Variants in SYN3 observed in about 807,000 individuals in gnomAD.
SYN3 encodes the protein synapsin III.
In SYN3, 35 loss-of-function variants were observed where a neutral mutation model predicts 65.8. The ratio of observed to expected loss-of-function variants is 0.53; its 90% CI spans 0.41 to 0.70. The LOEUF is 0.70. Ranked by LOEUF, SYN3 falls within the 30% of genes least tolerant of loss-of-function variation. SYN3 has a pLI of 0.00. For synonymous variants in SYN3, 270 were observed against 292.9 expected, an observed-to-expected ratio of 0.92 and a Z score of 0.80; for missense variants, 680 against 749.0, an observed-to-expected ratio of 0.91 and a Z score of 1.08.
intron 4 of SYN3, among the ~76,000 whole-genome samples, chr22:32,877,338 C>A (rs1052872738): frequency 6.6e-6 from 1 of 152,116 alleles, no homozygotes; most frequent in South Asian, 2.1e-4. Flanking sequence ...ACCATGAATC[C>A]GAGGCACAGA....
chr22:32,541,474 T>C, intron 8 of SYN3, 97 bp downstream of exon 8: 1 of 1,464,848 alleles, frequency 6.8e-7, no homozygotes, highest in Non-Finnish European at 9.4e-7. Flanking sequence ...GGAAGGAGGA[T>C]AATGATGCAC....
chr22:32,691,173 G>T (rs1251226462), intron 6 of SYN3, among the ~76,000 whole-genome samples: 3 of 152,162 alleles, frequency 2.0e-5, no homozygotes, highest in Non-Finnish European at 4.4e-5. Flanking sequence ...CAGTGGCCTT[G>T]CTGGGCGCCC....
chr22:32,943,682 T>C (rs927107225), intron 3 of SYN3, among the ~76,000 whole-genome samples: 1 of 152,204 alleles, frequency 6.6e-6, no homozygotes, highest in African/African-American at 2.4e-5. Flanking sequence ...GACCCATCAG[T>C]GTGCTGTATT....
chr22:32,576,204 T>C lies in SYN3; in HGVS notation c.774+20470A>G, dbSNP rs192342741. 2.3e-3 allele frequency among the ~76,000 whole-genome samples: 350 copies of C among 152,278 alleles called. 1 individual carries two copies. The highest frequency in any genetic ancestry group is 3.4e-3 in the Non-Finnish European group (232 of 68,012). On this transcript the variant is annotated intron_variant, in intron 7 of 13. Transcript: ENST00000358763. ...TGATTCCCTCTCTCGCAGACCTGGCTTGAGGTCTTCCCACAGTGGGGAAGA... is the reference window on the plus strand; with the variant it reads ...TGATTCCCTCTCTCGCAGACCTGGCCTGAGGTCTTCCCACAGTGGGGAAGA...
chr22:32,726,961 C>T (rs2061203006), intron 6 of SYN3, among the ~76,000 whole-genome samples: 1 of 144,696 alleles, frequency 6.9e-6, no homozygotes, highest in African/African-American at 2.5e-5. Flanking sequence ...TGCATTGAAA[C>T]TGGAATGAAG....
chr22:32,550,792 G>A (rs933777271), intron 7 of SYN3, among the ~76,000 whole-genome samples: 1 of 152,082 alleles, frequency 6.6e-6, no homozygotes, highest in Non-Finnish European at 1.5e-5. Context: ...GCTCCTTGGG[G>A]AAATGACTGA....
intron 4 of SYN3, among the ~76,000 whole-genome samples, chr22:32,871,304 C>A (rs2048843409): frequency 1.3e-5 from 2 of 152,306 alleles, no homozygotes; most frequent in Non-Finnish European, 2.9e-5. Context: ...GTTTTGGGAT[C>A]CCCGACTCTG....
At chr22:32,979,180 T>TC (rs2052298769) in intron 3 of SYN3, among the ~76,000 whole-genome samples, 1 of 134,102 alleles carries the variant, frequency 7.5e-6, no homozygotes, top group Non-Finnish European at 1.6e-5. Flanking sequence ...AGAGTGAGAC[T>TC]CCATCTCAAA....
chr22:32,983,097 T>C (rs1357848631), intron 2 of SYN3, among the ~76,000 whole-genome samples: 1 of 152,218 alleles, frequency 6.6e-6, no homozygotes, highest in Non-Finnish European at 1.5e-5. Flanking sequence ...ATGACACTAA[T>C]AGTTCTTGGT....
At chr22:33,027,713 A>G (rs550700868) in intron 1 of SYN3, among the ~76,000 whole-genome samples, 3 of 152,176 alleles carry the variant, frequency 2.0e-5, no homozygotes, top group East Asian at 1.9e-4. Flanking sequence ...GAGAGAGAGA[A>G]AGAAAACTTC....
intron 6 of SYN3, among the ~76,000 whole-genome samples, chr22:32,642,561 C>T (rs1441261533): frequency 6.6e-6 from 1 of 151,948 alleles, no homozygotes; most frequent in Non-Finnish European, 1.5e-5. Flanking sequence ...CTGCCTCAGC[C>T]TCTCCGAGTA....
chr22:32,777,707 A>G (rs907726237), intron 6 of SYN3, among the ~76,000 whole-genome samples: 3 of 152,206 alleles, frequency 2.0e-5, no homozygotes, highest in African/African-American at 7.2e-5. Context: ...TCTGAAACTC[A>G]CATATTAGCT....
Position 32,935,984 on chromosome 22 carries a change from C to A in SYN3, c.370-4503G>T, listed in dbSNP as rs1199091073. Among the ~76,000 whole-genome samples, 3 of 152,212 alleles carry A rather than the reference C, an allele frequency of 2.0e-5. No individual in the cohort carries two copies. In the East Asian group the frequency reaches 5.8e-4, roughly 29 times the overall value. On this transcript the variant is annotated intron_variant, in intron 3 of 13. Coordinates refer to ENST00000358763, the MANE Select transcript of SYN3 (RefSeq NM_003490.4). Reference sequence around the variant, plus strand: ...GACAATGTATATGAAACATCCAGCACAGGGCTGAGACTCAGTAAATAGTTG... The same window carrying A: ...GACAATGTATATGAAACATCCAGCAAAGGGCTGAGACTCAGTAAATAGTTG...
intron 1 of SYN3, among the ~76,000 whole-genome samples, chr22:33,010,571 C>A (rs1410655871): frequency 6.6e-6 from 1 of 152,128 alleles, no homozygotes; most frequent in Non-Finnish European, 1.5e-5. Flanking sequence ...CTATGGCTTT[C>A]CAGAAAGTTT....
At chr22:32,865,171 A>G (rs2048657823) in intron 5 of SYN3, among the ~76,000 whole-genome samples, 167 bp from the exon 6 acceptor site, 1 of 152,114 alleles carries the variant, frequency 6.6e-6, no homozygotes. Context: ...CTGGACATTC[A>G]TCCTCTCCAT....
chr22:33,035,970 T>A lies in SYN3; in HGVS notation c.-163+22322A>T, dbSNP rs139337179. 3.2e-3 allele frequency among the ~76,000 whole-genome samples: 480 copies of A among 152,326 alleles called. 11 individuals carry two copies. Among genetic ancestry groups the A allele is most frequent in the Admixed American group, 0.027 (411 of 15,302 alleles). ...AGGTCCAGGACAAAGTCAAGACTCA[T>A]TCTCCAACCACCCAGAGACATCCAT... On this transcript the variant is annotated intron_variant, in intron 1 of 13. Coordinates refer to ENST00000358763, the MANE Select transcript of SYN3 (RefSeq NM_003490.4).
chr22:32,689,343 T>C (rs2147147411), intron 6 of SYN3, among the ~76,000 whole-genome samples: 1 of 152,338 alleles, frequency 6.6e-6, no homozygotes, highest in African/African-American at 2.4e-5. Context: ...GCCGGGTGAC[T>C]GTGGAGGATT....
chr22:33,052,081 C>A (rs2145977533), intron 1 of SYN3, among the ~76,000 whole-genome samples: 1 of 152,098 alleles, frequency 6.6e-6, no homozygotes, highest in Non-Finnish European at 1.5e-5. Context: ...GAGAGGGAGA[C>A]CATCCTGCCC....
intron 1 of SYN3, among the ~76,000 whole-genome samples, chr22:33,027,637 C>CAGACAAAG (rs1556196418): frequency 1.3e-5 from 2 of 149,746 alleles, no homozygotes; most frequent in Admixed American, 1.3e-4. Context: ...GACAGACAGA[C>CAGACAAAG]AGAGAGAGAG....
Sources: gnomAD v4.1 joint callset for allele counts (sites outside exome capture counted in the v4.1 genomes callset) on GRCh38, gnomAD v4.1.1 for gene constraint, MANE v1.5 for transcripts, NCBI Gene and HGNC (gene_info 2026-07-23, HGNC 2026-07-21) for gene names.